Variants in UGT2A1 observed in about 807,000 individuals in gnomAD.
The protein encoded by UGT2A1 is UDP glucuronosyltransferase family 2 member A1 complex locus.
A neutral mutation model predicts 45.4 loss-of-function variants in UGT2A1; 61 were observed. The ratio of observed to expected loss-of-function variants is 1.34; its 90% CI spans 1.09 to 1.66. The LOEUF (loss-of-function observed/expected upper bound fraction) is 1.66, where lower values mean the gene tolerates loss of function less well. Among genes scored for constraint, UGT2A1 ranks in the 40% most tolerant of loss-of-function variants. The pLI is 0.00. For synonymous variants in UGT2A1, 229 were observed against 196.2 expected (o/e 1.17, Z -1.40); for missense variants, 649 against 574.3 (o/e 1.13, Z -1.33).
chr4:69,644,740 C>G (rs1722181583), intron 2 of UGT2A1, among the ~76,000 whole-genome samples: 1 of 151,702 alleles, frequency 6.6e-6, no homozygotes, highest in South Asian at 2.1e-4. Flanking sequence ...AATTTTGGGC[C>G]AATTACTTAA....
rs182464273 is a variant in UGT2A1, at chr4:69,651,746, C to T, written c.-55+1442G>A. 7.2e-4 allele frequency among the ~76,000 whole-genome samples: 109 copies of T among 152,184 alleles called. 1 individual carries two copies. The highest frequency in any genetic ancestry group is 9.7e-4 in the Non-Finnish European group (66 of 68,018). On this transcript the variant is annotated intron_variant, in intron 1 of 6. Coordinates refer to ENST00000286604, the MANE Select transcript of UGT2A1 (RefSeq NM_001252275.3). ...CCAGAGAGGAGCGACTGCCTGGGCA[C>T]GTGCATTAAGAGACAAAATGTTGAA...
At chr4:69,607,498 C>T (rs960209425) in intron 3 of UGT2A1, among the ~76,000 whole-genome samples, 1 of 151,876 alleles carries the variant, frequency 6.6e-6, no homozygotes, top group Non-Finnish European at 1.5e-5. Context: ...CCATTCAGGA[C>T]ATAGGCATGG....
chr4:69,637,417 T>A (rs1399555711), intron 2 of UGT2A1, among the ~76,000 whole-genome samples: 1 of 152,148 alleles, frequency 6.6e-6, no homozygotes, highest in African/African-American at 2.4e-5. Flanking sequence ...ATACCCCTTG[T>A]GAAAGGTAAG....
chr4:69,614,958 A>C (rs926415977), intron 3 of UGT2A1, among the ~76,000 whole-genome samples: 1 of 152,058 alleles, frequency 6.6e-6, no homozygotes, highest in African/African-American at 2.4e-5. Flanking sequence ...ACATCTTCAC[A>C]TGGTGGCAGG....
intron 3 of UGT2A1, among the ~76,000 whole-genome samples, chr4:69,618,129 C>T (rs1011003745): frequency 2.0e-5 from 3 of 150,432 alleles, no homozygotes; most frequent in African/African-American, 4.9e-5. Flanking sequence ...TATCCGTGTA[C>T]GTAATCATCA....
chr4:69,613,346 C>A (rs772431111), intron 3 of UGT2A1, among the ~76,000 whole-genome samples: 1 of 151,930 alleles, frequency 6.6e-6, no homozygotes, highest in Non-Finnish European at 1.5e-5. Context: ...GATAAAAATT[C>A]TCCTATCCAA....
chr4:69,590,496 T>G (rs1718525973), intron 6 of UGT2A1, among the ~76,000 whole-genome samples: 1 of 152,184 alleles, frequency 6.6e-6, no homozygotes, highest in South Asian at 2.1e-4. Flanking sequence ...TTCATGAAGA[T>G]GAGCGAAGGT....
chr4:69,619,077 A>G (rs1044295674), intron 3 of UGT2A1, among the ~76,000 whole-genome samples: 3 of 151,894 alleles, frequency 2.0e-5, no homozygotes, highest in Non-Finnish European at 4.4e-5. Context: ...ATATCAGAAA[A>G]AAGTTTATCA....
At chr4:69,608,476 T>G (rs980214891) in intron 3 of UGT2A1, among the ~76,000 whole-genome samples, 5 of 151,748 alleles carry the variant, frequency 3.3e-5, no homozygotes, top group African/African-American at 1.2e-4. Flanking sequence ...TGTTAAATGA[T>G]GAGTTAATGG....
At position 69,594,488 on chromosome 4, in the gene UGT2A1, A is replaced by T; in HGVS notation, c.1293T>A (p.Ile431=). 6.2e-7 allele frequency: 1 copy of T among 1,614,162 alleles called. No individual in the cohort carries two copies. The highest frequency in any genetic ancestry group is 8.5e-7 in the Non-Finnish European group (1 of 1,180,022). ...GCCTTAGTACTTACGAAGGTTCATT[A>T]ATGACTGTTCTCAAAGCGCTAAGCA... The part of the protein sequence containing the change: ...VDLLSALRTV[I]NEPSYKENAM... The change falls in exon 6 of 7, where the codon ATT becomes ATA. Residue 431 remains isoleucine (I), a synonymous_variant. Coordinates refer to ENST00000286604, the MANE Select transcript of UGT2A1 (RefSeq NM_001252275.3).
chr4:69,589,682 A>G, intron 6 of UGT2A1, 31 bp from the exon 7 acceptor site: 7 of 1,565,700 alleles, frequency 4.5e-6, no homozygotes, highest in Non-Finnish European at 6.1e-6. Context: ...CAGAAATTAG[A>G]CAATTTTTGT....
rs1722345919 is a variant in UGT2A1 at position 69,647,701 on chromosome 4, T to G, written c.-54-3A>C. ...TGTGAAGCAAATGTTTTTCTCTGCT[T>G]TTAAAGAAAAAAAGGAAAGACAAAA... On this transcript the variant is annotated splice_polypyrimidine_tract_variant and splice_region_variant and intron_variant, in intron 1 of 6. Transcript: ENST00000286604. 8.0e-7 allele frequency: 1 copy of G among 1,252,472 alleles called. No individual in the cohort carries two copies. The highest frequency in any genetic ancestry group is 2.6e-5 in the East Asian group (1 of 38,972). 77.6% of individuals were successfully genotyped at this position (1,252,472 alleles called of 1,614,324 possible). A position where few individuals can be genotyped will look rare whatever the true frequency, so the allele number is the denominator to read the frequency against.
chr4:69,635,975 G>T (rs1009539168), intron 2 of UGT2A1, among the ~76,000 whole-genome samples, 153 bp from the exon 3 acceptor site: 1 of 151,768 alleles, frequency 6.6e-6, no homozygotes. Context: ...CATAATTCCT[G>T]ATATCCCTGT....
intron 3 of UGT2A1, among the ~76,000 whole-genome samples, chr4:69,610,191 T>A (rs1272548366): frequency 6.6e-6 from 1 of 152,140 alleles, no homozygotes; most frequent in South Asian, 2.1e-4. Context: ...TATTTTTAAA[T>A]GTGCAAAAAT....
chr4:69,639,928 A>AT (rs1191243545), intron 2 of UGT2A1, among the ~76,000 whole-genome samples: 2 of 151,986 alleles, frequency 1.3e-5, no homozygotes, highest in African/African-American at 4.8e-5. Flanking sequence ...TCTTTAATAT[A>AT]TTTTTCACTA....
In UGT2A1 at chr4:69,649,451, T is replaced by G. The variant is rs572313830; in HGVS notation, c.-54-1753A>C. Among the ~76,000 whole-genome samples the G allele has an allele frequency of 7.2e-5, 11 of 152,208 alleles. No individual in the cohort carries two copies. In the South Asian group the frequency reaches 2.3e-3, roughly 32 times the overall value. On this transcript the variant is annotated intron_variant, in intron 1 of 6. Coordinates refer to ENST00000286604, the MANE Select transcript of UGT2A1 (RefSeq NM_001252275.3). ...ATTCACTGATGTTATTTTCTTCTAT[T>G]TATTTATTGGCAGGGAATCAGGTCC... is the stretch of plus-strand genomic sequence containing the variant.
At chr4:69,617,164 A>T (rs1720452706) in intron 3 of UGT2A1, among the ~76,000 whole-genome samples, 1 of 151,946 alleles carries the variant, frequency 6.6e-6, no homozygotes, top group South Asian at 2.1e-4. Flanking sequence ...CACTTTCAAA[A>T]CTATAAAACA....
chr4:69,625,828 C>G (rs971772124), intron 3 of UGT2A1, among the ~76,000 whole-genome samples: 2 of 151,492 alleles, frequency 1.3e-5, no homozygotes, highest in Non-Finnish European at 3.0e-5. Context: ...ATTAATTAGT[C>G]TTGTAAGTTG....
intron 2 of UGT2A1, chr4:69,639,148 C>T: frequency 6.2e-7 from 1 of 1,613,608 alleles, no homozygotes; most frequent in South Asian, 1.1e-5. Context: ...ACAAGATCAC[C>T]ACAGATTGTT....
Sources: gnomAD v4.1 joint callset for allele counts (sites outside exome capture counted in the v4.1 genomes callset) on GRCh38, gnomAD v4.1.1 for gene constraint, MANE v1.5 for transcripts, NCBI Gene and HGNC (gene_info 2026-07-23, HGNC 2026-07-21) for gene names.